Variants in ATXN1 observed in about 807,000 individuals in gnomAD.
The protein encoded by ATXN1 is ataxin 1, also known as ataxin-1.
In ATXN1, 8 loss-of-function variants were observed where a neutral mutation model predicts 56.4. The observed-to-expected ratio is 0.14, with a 90% CI of 0.08 to 0.26. The LOEUF is 0.26. ATXN1 is among the 10% of genes least tolerant of loss of function. The pLI is 1.00. For synonymous variants in ATXN1, 514 were observed against 494.6 expected, an observed-to-expected ratio of 1.04 and a Z score of -0.52; for missense variants, 987 against 1,106.5, an observed-to-expected ratio of 0.89 and a Z score of 1.53.
At chr6:16,457,488 T>C (rs752562734) in intron 6 of ATXN1, among the ~76,000 whole-genome samples, 14 of 152,018 alleles carry the variant, frequency 9.2e-5, no homozygotes, top group Non-Finnish European at 1.9e-4. Flanking sequence ...TGGGACCAAT[T>C]TGTCCCGCAA....
chr6:16,408,444 G>GTCTT (rs1382927038), intron 6 of ATXN1, among the ~76,000 whole-genome samples: 5 of 150,966 alleles, frequency 3.3e-5, no homozygotes, highest in Non-Finnish European at 5.9e-5. Context: ...AAGAAGTATT[G>GTCTT]TCTTAAATAC....
At chr6:16,713,796 C>G (rs1051624447) in intron 2 of ATXN1, among the ~76,000 whole-genome samples, 11 of 152,196 alleles carry the variant, frequency 7.2e-5, no homozygotes, top group Admixed American at 2.6e-4. Context: ...GCCCAGAAAT[C>G]TGTGGTCTAA....
intron 6 of ATXN1, among the ~76,000 whole-genome samples, chr6:16,329,723 G>A (rs1760936593): frequency 6.6e-6 from 1 of 152,180 alleles, no homozygotes; most frequent in South Asian, 2.1e-4. Context: ...AGAGACGACA[G>A]CTCTTTCAGA....
intron 2 of ATXN1, among the ~76,000 whole-genome samples, chr6:16,747,660 CAA>C (rs3840419): frequency 1.5e-4 from 17 of 111,110 alleles, no homozygotes; most frequent in East Asian, 8.9e-4. Flanking sequence ...CCTTGAAGAC[CAA>C]AAAAAAAAAA....
intron 2 of ATXN1, among the ~76,000 whole-genome samples, chr6:16,725,270 G>C (rs561406742): frequency 1.3e-5 from 2 of 152,128 alleles, no homozygotes; most frequent in Non-Finnish European, 2.9e-5. Flanking sequence ...TTTAGGTTTC[G>C]AGAACTGCTA....
rs1184254926 is a variant in ATXN1 at position 16,303,769 on chromosome 6, CAT to C, written c.*2558_*2559del. On this transcript the variant is annotated 3_prime_UTR_variant, in exon 8 of 8. Coordinates refer to ENST00000436367, the MANE Select transcript of ATXN1 (RefSeq NM_001128164.2). This position sits in a 1 kb window ranked among gnomAD's most constrained non-coding sequence, Gnocchi z 4.3. ...GGTGGTGTGTGTTTTTCTGAGTCCACATGAGTTGTAAATAGTGATATTAATGA... is the reference window on the plus strand; with the variant it reads ...GGTGGTGTGTGTTTTTCTGAGTCCACGAGTTGTAAATAGTGATATTAATGA... 6.6e-6 allele frequency: 1 copy of C among 152,540 alleles called. No individual in the cohort carries two copies. Among genetic ancestry groups the C allele is most frequent in the Non-Finnish European group, 1.5e-5 (1 of 68,028 alleles). The allele number at this position is 152,540 out of a possible 1,614,324, so 9.4% of individuals were successfully genotyped here. A position where few individuals can be genotyped will look rare whatever the true frequency, so the allele number is the denominator to read the frequency against.
At position 16,760,736 on chromosome 6, in the gene ATXN1, A is replaced by AC. The variant is rs1469698911; in HGVS notation, c.-730+561dup. On this transcript the variant is annotated intron_variant, in intron 1 of 7. Transcript: ENST00000436367. The surrounding 1 kb of genome is among the most constrained non-coding windows in gnomAD (Gnocchi z 5.3). Reference sequence around the variant, plus strand: ...GCGGAGAAGTCCAGCCCTCCGTGAGACCCCCTCTCTCTCACCGCCCTCTCC... The same window carrying AC: ...GCGGAGAAGTCCAGCCCTCCGTGAGACCCCCCTCTCTCTCACCGCCCTCTCC... Among the ~76,000 whole-genome samples, 3 of 150,138 alleles carry AC rather than the reference A, an allele frequency of 2.0e-5. No individual in the cohort carries two copies. The highest frequency in any genetic ancestry group is 6.6e-5 in the Admixed American group (1 of 15,158).
chr6:16,334,839 A>T (rs1241217218), intron 6 of ATXN1, among the ~76,000 whole-genome samples: 2 of 152,178 alleles, frequency 1.3e-5, no homozygotes, highest in African/African-American at 2.4e-5. Context: ...GGGCATGTCT[A>T]GGGGGAGTGA....
chr6:16,558,730 C>T (rs1438764099), intron 4 of ATXN1, among the ~76,000 whole-genome samples: 2 of 151,998 alleles, frequency 1.3e-5, no homozygotes, highest in South Asian at 2.1e-4. Flanking sequence ...ATTATAATTA[C>T]TGCGTAGAAG....
At chr6:16,393,738 C>T (rs1292559541) in intron 6 of ATXN1, among the ~76,000 whole-genome samples, 1 of 152,134 alleles carries the variant, frequency 6.6e-6, no homozygotes, top group Admixed American at 6.6e-5. Flanking sequence ...GCTTTTTAGG[C>T]CAGACGCAGT....
chr6:16,403,889 T>C (rs1314423034), intron 6 of ATXN1, among the ~76,000 whole-genome samples: 1 of 151,392 alleles, frequency 6.6e-6, no homozygotes, highest in African/African-American at 2.4e-5. Flanking sequence ...CTGCTATGGT[T>C]AAAAGAATTC....
intron 4 of ATXN1, among the ~76,000 whole-genome samples, chr6:16,570,231 A>G (rs10949365): frequency 0.47 from 71,236 of 151,988 alleles, 19,107 homozygotes; most frequent in East Asian, 0.73. Context: ...TAATACTTCA[A>G]GTTTTTATAG....
At chr6:16,314,907 G>A (rs1040731965) in intron 7 of ATXN1, among the ~76,000 whole-genome samples, 2 of 152,062 alleles carry the variant, frequency 1.3e-5, no homozygotes, top group Non-Finnish European at 2.9e-5. Flanking sequence ...CACCGTGCCC[G>A]GCCTCAAAAT....
At chr6:16,411,532 T>G (rs1384934882) in intron 6 of ATXN1, among the ~76,000 whole-genome samples, 1 of 152,110 alleles carries the variant, frequency 6.6e-6, no homozygotes, top group East Asian at 1.9e-4. Flanking sequence ...TGCCCTGGCA[T>G]AGTTTTTTAC....
At chr6:16,735,447 C>A (rs1760096562) in intron 2 of ATXN1, among the ~76,000 whole-genome samples, 1 of 152,074 alleles carries the variant, frequency 6.6e-6, no homozygotes, top group South Asian at 2.1e-4. Context: ...TTTTTAAGAG[C>A]CACTCCGTGT....
chr6:16,582,090 G>A (rs181301274), intron 4 of ATXN1, among the ~76,000 whole-genome samples: 52 of 152,184 alleles, frequency 3.4e-4, no homozygotes, highest in Admixed American at 1.2e-3. Flanking sequence ...GGCCTGGTCC[G>A]GCTGTCAACA....
chr6:16,583,394 C>G (rs1050351185), intron 4 of ATXN1, among the ~76,000 whole-genome samples: 11 of 152,186 alleles, frequency 7.2e-5, no homozygotes, highest in African/African-American at 2.7e-4. Flanking sequence ...GCCAAAGGGT[C>G]AAGAGATTCA....
intron 4 of ATXN1, among the ~76,000 whole-genome samples, chr6:16,548,729 G>A (rs1277365272): frequency 6.6e-6 from 1 of 151,956 alleles, no homozygotes; most frequent in African/African-American, 2.4e-5. Context: ...TTTGAGACCA[G>A]CCTGACCAAC....
chr6:16,505,473 A>G (rs1298808558), intron 5 of ATXN1, among the ~76,000 whole-genome samples: 2 of 152,216 alleles, frequency 1.3e-5, no homozygotes, highest in African/African-American at 2.4e-5. Flanking sequence ...GCATAAACGC[A>G]TATAAGCTTT....
Sources: gnomAD v4.1 joint callset for allele counts (sites outside exome capture counted in the v4.1 genomes callset) on GRCh38, gnomAD v4.1.1 for gene constraint, Gnocchi (gnomAD v3.1) non-coding constraint, MANE v1.5 for transcripts, NCBI Gene and HGNC (gene_info 2026-07-23, HGNC 2026-07-21) for gene names.